Variants in GRIA1 observed in about 807,000 individuals in gnomAD.
GRIA1 encodes the protein glutamate ionotropic receptor AMPA type subunit 1.
In GRIA1, 31 loss-of-function variants were observed where a neutral mutation model predicts 99.2. The ratio of observed to expected loss-of-function variants is 0.31; its 90% confidence interval spans 0.23 to 0.42. GRIA1 has a LOEUF of 0.42. Among genes scored for constraint, GRIA1 ranks in the 10% least tolerant of loss-of-function variants. The pLI is 1.00. For missense variants in GRIA1, 782 were observed against 1,157.5 expected, an observed-to-expected ratio of 0.68 and a Z score of 4.71; for synonymous variants, 438 against 432.4, an observed-to-expected ratio of 1.01 and a Z score of -0.16.
intron 2 of GRIA1, among the ~76,000 whole-genome samples, chr5:153,521,884 A>G (rs990495231): frequency 2.6e-5 from 4 of 152,176 alleles, no homozygotes; most frequent in Non-Finnish European, 4.4e-5. Flanking sequence ...AGTTGGTGCA[A>G]TGACATGTTT....
At chr5:153,788,333 TTC>T (rs1459494678) in intron 13 of GRIA1, among the ~76,000 whole-genome samples, 6 of 152,184 alleles carry the variant, frequency 3.9e-5, no homozygotes, top group African/African-American at 1.4e-4. Flanking sequence ...TCCACTAGCC[TTC>T]TCATTGGCTT....
At chr5:153,776,248 G>A (rs1372966058) in intron 13 of GRIA1, among the ~76,000 whole-genome samples, 1 of 152,176 alleles carries the variant, frequency 6.6e-6, no homozygotes, top group Non-Finnish European at 1.5e-5. Context: ...GAGAAGTGGT[G>A]GGCTCTATGT....
chr5:153,674,656 C>A lies in GRIA1; in HGVS notation c.856C>A (p.Pro286Thr), dbSNP rs1756441519. ...RDHTRVDWKR[P>T]KYTSALTYDG... The stretch of plus-strand genomic sequence containing the variant: ...CCACACACGGGTGGACTGGAAGAGA[C>A]CCAAGGTGAGTGGATGGGCAGCCAG... Residue 286 changes from proline to threonine, a missense_variant, in exon 6 of 16, where the codon CCC (proline) becomes ACC (threonine). Physicochemically the swap from Pro to Thr is conservative, Grantham distance 38. Coordinates refer to ENST00000285900, the MANE Select transcript of GRIA1 (RefSeq NM_000827.4). 2 of 1,613,682 alleles carry A rather than the reference C, an allele frequency of 1.2e-6. No homozygotes were observed. Among genetic ancestry groups the A allele is most frequent in the Admixed American group, 1.7e-5 (1 of 59,990 alleles).
chr5:153,778,219 G>T (rs913548646), intron 13 of GRIA1, among the ~76,000 whole-genome samples: 64 of 135,678 alleles, frequency 4.7e-4, no homozygotes, highest in African/African-American at 1.8e-3. Flanking sequence ...GTGTGTGTGT[G>T]TGTGTGTTTC....
chr5:153,682,259 G>A (rs1757025061), intron 7 of GRIA1, among the ~76,000 whole-genome samples: 1 of 152,096 alleles, frequency 6.6e-6, no homozygotes, highest in African/African-American at 2.4e-5. Flanking sequence ...TCCACCTGAG[G>A]GCAACTGCAA....
At chr5:153,733,714 T>C (rs1481763599) in intron 11 of GRIA1, among the ~76,000 whole-genome samples, 1 of 152,116 alleles carries the variant, frequency 6.6e-6, no homozygotes, top group East Asian at 1.9e-4. Context: ...GGTCACTGTA[T>C]TTATATCAGA....
intron 14 of GRIA1, among the ~76,000 whole-genome samples, chr5:153,799,083 C>G (rs1160076758): frequency 1.6e-5 from 1 of 61,952 alleles, no homozygotes; most frequent in African/African-American, 8.0e-5. Context: ...ACTTTTCCAC[C>G]CCCCCCTGAC....
intron 3 of GRIA1, among the ~76,000 whole-genome samples, chr5:153,649,908 G>A (rs1754428862): frequency 6.6e-6 from 1 of 152,198 alleles, no homozygotes; most frequent in Non-Finnish European, 1.5e-5. Context: ...CAGTTACTGA[G>A]TGCCGAATAA....
At chr5:153,740,049 C>T (rs1298343819) in intron 11 of GRIA1, among the ~76,000 whole-genome samples, 1 of 152,198 alleles carries the variant, frequency 6.6e-6, no homozygotes, top group Non-Finnish European at 1.5e-5. Flanking sequence ...AAAGCACATG[C>T]AAATCCCTAT....
In GRIA1 at chr5:153,594,238, G is replaced by A. The variant is rs887121681; in HGVS notation, c.221-52690G>A. On this transcript the variant is annotated intron_variant, in intron 2 of 15. Coordinates refer to ENST00000285900, the MANE Select transcript of GRIA1 (RefSeq NM_000827.4). ...ATGGGGCTAGAAAGACATTCTGTAA[G>A]CTTTTTCCACCTGAAGACTCAGACC... is the stretch of plus-strand genomic sequence containing the variant. Among the ~76,000 whole-genome samples, 13 of 152,198 alleles carry A rather than the reference G, an allele frequency of 8.5e-5. 1 individual carries two copies. Among genetic ancestry groups the A allele is most frequent in the Admixed American group, 7.8e-4 (12 of 15,296 alleles).
At chr5:153,793,296 G>C (rs1037691867) in intron 13 of GRIA1, among the ~76,000 whole-genome samples, 22 of 152,198 alleles carry the variant, frequency 1.4e-4, no homozygotes, top group African/African-American at 5.1e-4. Context: ...AGCAGTCTGG[G>C]TTTGATGGCT....
At chr5:153,573,025 C>T (rs1037205988) in intron 2 of GRIA1, among the ~76,000 whole-genome samples, 1 of 152,130 alleles carries the variant, frequency 6.6e-6, no homozygotes, top group East Asian at 1.9e-4. Flanking sequence ...GAGATGCTCA[C>T]AAAAGGACTG....
chr5:153,558,653 G>A (rs1029361505), intron 2 of GRIA1, among the ~76,000 whole-genome samples: 26 of 152,058 alleles, frequency 1.7e-4, no homozygotes, highest in African/African-American at 5.8e-4. Flanking sequence ...TGAACATTTA[G>A]TCTGTATTCA....
intron 11 of GRIA1, among the ~76,000 whole-genome samples, chr5:153,740,374 A>C (rs941054527): frequency 2.6e-5 from 4 of 152,238 alleles, no homozygotes; most frequent in South Asian, 4.1e-4. Flanking sequence ...GACTGCATGC[A>C]TGAGGTCAGA....
chr5:153,625,763 C>T (rs1415138887), intron 2 of GRIA1, among the ~76,000 whole-genome samples: 1 of 152,198 alleles, frequency 6.6e-6, no homozygotes, highest in Admixed American at 6.5e-5. Context: ...GCAACATTTA[C>T]TGAGCAAATA....
intron 2 of GRIA1, 47 bp downstream of exon 2, chr5:153,494,112 A>G (rs370290489): frequency 4.4e-6 from 7 of 1,587,680 alleles, no homozygotes; most frequent in African/African-American, 1.3e-5. Context: ...CGCTAGACCA[A>G]TGAAAGGAGG....
At chr5:153,803,991 C>G (rs1766232466) in intron 15 of GRIA1, among the ~76,000 whole-genome samples, 1 of 152,146 alleles carries the variant, frequency 6.6e-6, no homozygotes, top group African/African-American at 2.4e-5. Flanking sequence ...GTCAGCCTAC[C>G]TACCCCACTC....
chr5:153,602,939 A>G (rs565842124), intron 2 of GRIA1, among the ~76,000 whole-genome samples: 9 of 152,126 alleles, frequency 5.9e-5, no homozygotes, highest in African/African-American at 2.2e-4. Context: ...ATAGATATTG[A>G]TCTGAGCTTT....
intron 2 of GRIA1, among the ~76,000 whole-genome samples, chr5:153,619,336 T>G (rs550198526): frequency 5.9e-5 from 9 of 152,306 alleles, no homozygotes; most frequent in African/African-American, 2.2e-4. Flanking sequence ...ATTTTGGATA[T>G]TTTATTTTAT....
Sources: gnomAD v4.1 joint callset for allele counts (sites outside exome capture counted in the v4.1 genomes callset) on GRCh38, gnomAD v4.1.1 for gene constraint, MANE v1.5 for transcripts, NCBI Gene and HGNC (gene_info 2026-07-23, HGNC 2026-07-21) for gene names.